Variants in NTRK2 observed in about 807,000 individuals in gnomAD.
The protein encoded by NTRK2 is neurotrophic receptor tyrosine kinase 2, also known as BDNF/NT-3 growth factors receptor.
In NTRK2, 13 loss-of-function variants were observed where a neutral mutation model predicts 94.5. The observed-to-expected ratio is 0.14, with a 90% CI of 0.09 to 0.22. The LOEUF (loss-of-function observed/expected upper bound fraction) is 0.22. Among genes scored for constraint, NTRK2 ranks in the 10% least tolerant of loss-of-function variants. The pLI, the probability that NTRK2 is intolerant of heterozygous loss-of-function variation, is 1.00. For missense variants in NTRK2, 639 were observed against 1,071.2 expected (o/e 0.60, Z 5.63); for synonymous variants, 372 against 407.4 (o/e 0.91, Z 1.05).
chr9:84,970,561 A>T (rs138444062), intron 17 of NTRK2, among the ~76,000 whole-genome samples: 66 of 152,176 alleles, frequency 4.3e-4, no homozygotes, highest in Middle Eastern at 3.4e-3. Flanking sequence ...CTCAGAAATA[A>T]AGAGCATCAG....
chr9:84,840,265 CTT>C (rs1158579395), intron 12 of NTRK2, among the ~76,000 whole-genome samples: 4,306 of 101,780 alleles, frequency 0.042, 180 homozygotes, highest in African/African-American at 0.12. Context: ...ATTGACAATT[CTT>C]TTTTTTTTTT....
At position 84,970,362 on chromosome 9, in the gene NTRK2, G is replaced by A. The variant is rs142051508; in HGVS notation, c.2172+14845G>A. Among the ~76,000 whole-genome samples the A allele has an allele frequency of 4.0e-3, 593 of 149,700 alleles. 3 individuals carry two copies. Among genetic ancestry groups the A allele is most frequent in the African/African-American group, 0.013 (548 of 40,644 alleles). ...TGCACTCCAGCCTGGGGGACAGAGT[G>A]CAAAAAATAAAAAAATAAAAAATAA... On this transcript the variant is annotated intron_variant, in intron 17 of 18. Transcript: ENST00000277120.
In NTRK2 at chr9:84,811,465, C is replaced by A. The variant is rs999750589; in HGVS notation, c.1397-49575C>A. The A allele has an allele frequency of 1.3e-5, 14 of 1,065,408 alleles. No homozygotes were observed. In the South Asian group the frequency reaches 5.9e-4, roughly 45 times the overall value. 66.0% of individuals were successfully genotyped at this position (1,065,408 alleles called of 1,614,324 possible). A position where few individuals can be genotyped will look rare whatever the true frequency, so the allele number is the denominator to read the frequency against. On this transcript the variant is annotated intron_variant, in intron 12 of 18. Coordinates refer to ENST00000277120, the MANE Select transcript of NTRK2 (RefSeq NM_006180.6). The stretch of plus-strand genomic sequence containing the variant: ...TTATAACCTTGCCCTTTTTTATTTG[C>A]CCTCTGCGATCCACCTGCTTTTTAG...
intron 14 of NTRK2, among the ~76,000 whole-genome samples, chr9:84,920,977 C>T (rs1304912172): frequency 6.6e-6 from 1 of 152,186 alleles, no homozygotes; most frequent in African/African-American, 2.4e-5. Flanking sequence ...ATACTTTAGA[C>T]CATGCCAATC....
intron 17 of NTRK2, among the ~76,000 whole-genome samples, chr9:85,014,040 T>C (rs962614707): frequency 2.0e-5 from 3 of 152,186 alleles, no homozygotes; most frequent in Admixed American, 2.0e-4. Flanking sequence ...CCAATGTGCC[T>C]CTCAGAAGCA....
chr9:84,764,399 AT>A (rs137902755), intron 12 of NTRK2, among the ~76,000 whole-genome samples: 7 of 151,756 alleles, frequency 4.6e-5, no homozygotes, highest in Admixed American at 1.3e-4. Context: ...TATTTCATTA[AT>A]TTTTTTTTAA....
intron 2 of NTRK2, among the ~76,000 whole-genome samples, chr9:84,683,310 T>C (rs1408117995): frequency 6.6e-6 from 1 of 152,120 alleles, no homozygotes; most frequent in Non-Finnish European, 1.5e-5. Context: ...CCACATGCAT[T>C]GGGTATTTGT....
intron 2 of NTRK2, among the ~76,000 whole-genome samples, chr9:84,689,606 A>G (rs980085524): frequency 6.6e-5 from 10 of 152,064 alleles, no homozygotes; most frequent in Non-Finnish European, 1.3e-4. Context: ...TTTTTTAAAA[A>G]AAAGAATTGT....
At chr9:84,962,490 T>C (rs967640468) in intron 17 of NTRK2, among the ~76,000 whole-genome samples, 4 of 114,578 alleles carry the variant, frequency 3.5e-5, no homozygotes, top group African/African-American at 1.5e-4. Flanking sequence ...TGTGTCCCCT[T>C]TTTTTTTGGT....
Position 84,742,677 on chromosome 9 carries a change from C to T in NTRK2, c.1195+750C>T, listed in dbSNP as rs1483095650. The stretch of plus-strand genomic sequence containing the variant: ...ATTATCCCTTCAGTAACTAAATTCA[C>T]CCCCAGACTTTAAGTCAGCTTCCCC... On this transcript the variant is annotated intron_variant, in intron 10 of 18. Coordinates refer to ENST00000277120, the MANE Select transcript of NTRK2 (RefSeq NM_006180.6). 2.0e-5 allele frequency among the ~76,000 whole-genome samples: 3 copies of T among 151,966 alleles called. No individual in the cohort carries two copies. The East Asian group carries it at 5.8e-4, about 29-fold the overall frequency.
intron 18 of NTRK2, among the ~76,000 whole-genome samples, chr9:85,020,822 C>T (rs534123516): frequency 6.6e-6 from 1 of 152,268 alleles, no homozygotes; most frequent in Non-Finnish European, 1.5e-5. Flanking sequence ...TGAGGCACAG[C>T]ATCTTGATCA....
At chr9:84,810,666 G>A in intron 12 of NTRK2, 1 of 1,607,702 alleles carries the variant, frequency 6.2e-7, no homozygotes, top group Non-Finnish European at 8.5e-7. Context: ...GACTGCTGTT[G>A]GCTTATCCCG....
At chr9:84,947,593 T>C (rs1337820300) in intron 15 of NTRK2, among the ~76,000 whole-genome samples, 1 of 152,172 alleles carries the variant, frequency 6.6e-6, no homozygotes, top group Non-Finnish European at 1.5e-5. Context: ...TGTCAAGGGA[T>C]TGAGCTGGAG....
chr9:84,733,667 C>T (rs1300902221), intron 9 of NTRK2, among the ~76,000 whole-genome samples: 1 of 152,170 alleles, frequency 6.6e-6, no homozygotes, highest in Non-Finnish European at 1.5e-5. Context: ...CCCTGTTCCT[C>T]TTTGAGGTTG....
Position 85,021,366 on chromosome 9 carries a change from A to G in NTRK2, c.2446A>G (p.Ile816Val), listed in dbSNP as rs2118013452. ...WQREPHMRKNIKGIHTLLQNL... is the reference protein window; with the variant it reads ...WQREPHMRKNVKGIHTLLQNL... ...GCGAGAGCCCCACATGAGGAAGAACATCAAGGGCATCCATACCCTCCTTCA... is the reference window on the plus strand; with the variant it reads ...GCGAGAGCCCCACATGAGGAAGAACGTCAAGGGCATCCATACCCTCCTTCA... The change falls in exon 19 of 19, where the codon ATC (isoleucine) becomes GTC (valine). Residue 816 changes from isoleucine (I) to valine (V), a missense_variant. By Grantham distance (29) the Ile-to-Val change is conservative. Coordinates refer to ENST00000277120, the MANE Select transcript of NTRK2 (RefSeq NM_006180.6). The G allele has an allele frequency of 6.2e-7, 1 of 1,614,178 alleles. No individual in the cohort carries two copies. Among genetic ancestry groups the G allele is most frequent in the Non-Finnish European group, 8.5e-7 (1 of 1,180,028 alleles).
chr9:84,699,859 G>A (rs930079381), intron 2 of NTRK2, among the ~76,000 whole-genome samples: 2 of 150,424 alleles, frequency 1.3e-5, no homozygotes, highest in South Asian at 2.1e-4. Context: ...TTGCTGGTTC[G>A]TTGTATTCTA....
intron 14 of NTRK2, chr9:84,874,210 G>A: frequency 9.4e-7 from 1 of 1,065,324 alleles, no homozygotes; most frequent in Non-Finnish European, 1.1e-6. Context: ...AGCAAACACA[G>A]TTGCAGAGTA....
chr9:84,681,360 A>G (rs367712568), intron 2 of NTRK2, among the ~76,000 whole-genome samples: 2 of 152,104 alleles, frequency 1.3e-5, no homozygotes, highest in African/African-American at 2.4e-5. Context: ...TAACCCCTAC[A>G]CTCATTCACA....
In NTRK2 at chr9:84,670,893, TCTC is replaced by T. The variant is rs1157137277; in HGVS notation, c.148_150del (p.Pro50del). 5 of 1,612,440 alleles carry T rather than the reference TCTC, an allele frequency of 3.1e-6. No homozygotes were observed. Among genetic ancestry groups the T allele is most frequent in the African/African-American group, 2.7e-5 (2 of 74,926 alleles). On this transcript the variant is annotated inframe_deletion, in exon 2 of 19. Transcript: ENST00000277120. ...CTCTCGGATCTGGTGCAGCGACCCT[TCTC>T]CTGGCATCGTGGCATTTCCGAGATT... is the stretch of plus-strand genomic sequence containing the variant.
Sources: allele counts gnomAD v4.1 joint callset (sites outside exome capture counted in the v4.1 genomes callset), GRCh38; gene constraint gnomAD v4.1.1; transcripts MANE v1.5; gene names NCBI Gene and HGNC (gene_info 2026-07-23, HGNC 2026-07-21).